The following PLPP2 variants were observed in gnomAD, a reference collection of about 807,000 sequenced individuals.
The protein encoded by PLPP2 is phospholipid phosphatase 2, also known as PAP2-gamma.
A neutral mutation model predicts 35.2 loss-of-function variants in PLPP2; 29 were observed. The observed-to-expected ratio is 0.82, with a 90% CI of 0.61 to 1.12. PLPP2 has a LOEUF of 1.12. Ranked by LOEUF, PLPP2 falls within the 50% of genes most tolerant of loss-of-function variation. The pLI is 0.00. For missense variants in PLPP2, 353 were observed against 375.2 expected (o/e 0.94, Z 0.49); for synonymous variants, 162 against 167.0 (o/e 0.97, Z 0.23).
rs1330202753 is a variant in PLPP2 at position 287,444 on chromosome 19, C to T, written c.482+30G>A. 2 of 1,587,356 alleles carry T rather than the reference C, an allele frequency of 1.3e-6. No homozygotes were observed. Among genetic ancestry groups the T allele is most frequent in the African/African-American group, 1.3e-5 (1 of 74,446 alleles). On this transcript the variant is annotated intron_variant, in intron 3 of 5. Transcript: ENST00000434325. This position sits in a 1 kb window ranked among gnomAD's most constrained non-coding sequence, Gnocchi z 4.3. ...GGCCTTCTTCAGCTCCCATTCCCCA[C>T]AAGAGTGAAGGCTGCTGGTCCACAC...
At chr19:289,902 C>CCT (rs143668722) in intron 1 of PLPP2, among the ~76,000 whole-genome samples, 15,323 of 151,988 alleles carry the variant, frequency 0.1, 918 homozygotes, top group Admixed American at 0.19. Flanking sequence ...GAGTGCAGCC[C>CCT]GACCACAGCT....
Position 281,328 on chromosome 19 carries a change from AC to A in PLPP2, c.*59del, listed in dbSNP as rs1419077269. The A allele has an allele frequency of 7.5e-7, 1 of 1,331,182 alleles. No homozygotes were observed. Among genetic ancestry groups the A allele is most frequent in the Admixed American group, 3.3e-5 (1 of 30,576 alleles). The allele number at this position is 1,331,182 out of a possible 1,614,324, so 82.5% of individuals were successfully genotyped here. On this transcript the variant is annotated 3_prime_UTR_variant, in exon 6 of 6. Coordinates refer to ENST00000434325, the MANE Select transcript of PLPP2 (RefSeq NM_003712.4). ...TCAGTGCCTAACCAGGGCTGGAGGG[AC>A]CACCTGGGTGGGCCTCAGCTGGACT...
chr19:285,540 AG>A, intron 3 of PLPP2: 1 of 150,952 alleles, frequency 6.6e-6, no homozygotes, highest in East Asian at 2.0e-4. Context: ...CAGAGGCTGT[AG>A]TGAGACAAGA....
chr19:281,389 C>T lies in PLPP2; in HGVS notation c.866G>A (p.Ter289=), dbSNP rs1274954402. 2.1e-6 allele frequency: 3 copies of T among 1,402,102 alleles called. No homozygotes were observed. The African/African-American group carries it at 4.4e-5, about 21-fold the overall frequency. The allele number at this position is 1,402,102 out of a possible 1,614,324, so 86.9% of individuals were successfully genotyped here. The change falls in exon 6 of 6, where the codon TGA becomes TAA. Residue 289 remains the stop codon, a stop_retained_variant. Coordinates refer to ENST00000434325, the MANE Select transcript of PLPP2 (RefSeq NM_003712.4). The part of the protein sequence containing the change: ...NHYGYPHSSS[*] Reference sequence around the variant, plus strand: ...TCCCTGCCTGGGCGGGGTCCGGCCTCAGGAGGAGGAGTGCGGGTATCCATA... The same window carrying T: ...TCCCTGCCTGGGCGGGGTCCGGCCTTAGGAGGAGGAGTGCGGGTATCCATA...
chr19:282,248 G>A lies in PLPP2; in HGVS notation c.603C>T (p.Phe201=), dbSNP rs1464139549. 3 of 1,613,892 alleles carry A rather than the reference G, an allele frequency of 1.9e-6. No individual in the cohort carries two copies. The highest frequency in any genetic ancestry group is 3.3e-5 in the Admixed American group (2 of 60,008). ...WARLLRPTVQ[F]FLVAFALYVG... is the part of the protein sequence containing the mutation. ...CGTAGAGGGCAAAGGCCACCAGGAA[G>A]AACTGGACTGTGGGTCGCAGCAGCC... Residue 201 remains phenylalanine (F), a synonymous_variant, in exon 5 of 6, where the codon TTC becomes TTT. Coordinates refer to ENST00000434325, the MANE Select transcript of PLPP2 (RefSeq NM_003712.4).
At chr19:290,062 C>A (rs1023715771) in intron 1 of PLPP2, among the ~76,000 whole-genome samples, 4 of 152,186 alleles carry the variant, frequency 2.6e-5, no homozygotes, top group African/African-American at 9.6e-5. Context: ...AAAACAGACA[C>A]CTTCTCTTCA....
In PLPP2 at chr19:291,092, C is replaced by A. The variant is rs1013880974; in HGVS notation, c.52+193G>T. The A allele has an allele frequency of 3.7e-6, 5 of 1,337,700 alleles. No individual in the cohort carries two copies. In the African/African-American group the frequency reaches 6.2e-5, roughly 16 times the overall value. The allele number at this position is 1,337,700 out of a possible 1,614,324, so 82.9% of individuals were successfully genotyped here. On this transcript the variant is annotated intron_variant, in intron 1 of 5. Transcript: ENST00000434325. ...CCCCCTGGGCCTGGGACGCGGGGAC[C>A]CCCGAGCCTGGGAGGGCGCGCGCAG...
chr19:289,374 A>G (rs1970336818), intron 1 of PLPP2, among the ~76,000 whole-genome samples: 2 of 152,204 alleles, frequency 1.3e-5, no homozygotes, highest in Non-Finnish European at 2.9e-5. Context: ...AGTCTGGGGA[A>G]ATAATCTGGT....
At chr19:289,572 G>T (rs935416592) in intron 1 of PLPP2, among the ~76,000 whole-genome samples, 3 of 152,066 alleles carry the variant, frequency 2.0e-5, no homozygotes, top group Non-Finnish European at 4.4e-5. Context: ...AAATTATCTG[G>T]GTGTGGCGGT....
intron 1 of PLPP2, 117 bp from the exon 2 acceptor site, chr19:288,288 G>A: frequency 9.0e-7 from 1 of 1,110,186 alleles, no homozygotes; most frequent in Admixed American, 2.9e-5. Context: ...AGACAGCAAG[G>A]AAGAGCTTTT....
At chr19:290,905 C>T (rs1374335636) in intron 1 of PLPP2, 12 of 1,214,294 alleles carry the variant, frequency 9.9e-6, no homozygotes, top group Non-Finnish European at 1.1e-5. Flanking sequence ...GACGTCCTGC[C>T]GGGGTAACCC....
intron 1 of PLPP2, among the ~76,000 whole-genome samples, chr19:289,725 G>A (rs575112217): frequency 5.3e-4 from 81 of 152,178 alleles, no homozygotes; most frequent in Middle Eastern, 3.4e-3. Context: ...AAAGGGCAGC[G>A]CCAGGGCCTG....
At chr19:290,951 C>T in intron 1 of PLPP2, 1 of 1,234,810 alleles carries the variant, frequency 8.1e-7, no homozygotes. Context: ...GCGTGACTCA[C>T]CTCCCAGGCC....
intron 3 of PLPP2, chr19:286,628 TAAA>T (rs1210065012): frequency 6.6e-6 from 1 of 151,608 alleles, no homozygotes; most frequent in Non-Finnish European, 1.5e-5. Flanking sequence ...CTTAATTCAA[TAAA>T]AAGATTAATA....
intron 3 of PLPP2, chr19:284,547 A>G (rs1056378800): frequency 1.3e-5 from 2 of 152,186 alleles, no homozygotes; most frequent in African/African-American, 4.8e-5. Flanking sequence ...TAGCTGTGAC[A>G]ACAGTTGTGT....
chr19:291,026 G>T lies in PLPP2; in HGVS notation c.52+259C>A, dbSNP rs755627217. 30 of 1,279,090 alleles carry T rather than the reference G, an allele frequency of 2.3e-5. No homozygotes were observed. The South Asian group carries it at 7.9e-4, about 34-fold the overall frequency. The allele number at this position is 1,279,090 out of a possible 1,614,324, so 79.2% of individuals were successfully genotyped here. A position where few individuals can be genotyped will look rare whatever the true frequency, so the allele number is the denominator to read the frequency against. On this transcript the variant is annotated intron_variant, in intron 1 of 5. Coordinates refer to ENST00000434325, the MANE Select transcript of PLPP2 (RefSeq NM_003712.4). ...ACAGACTTCCTGCTGCCGGGGCGGG[G>T]GATGCTGGCCCCGGCTCCCCGGGCC...
chr19:288,417 A>C (rs1600084652), intron 1 of PLPP2: 1 of 364,520 alleles, frequency 2.7e-6, no homozygotes, highest in Non-Finnish European at 4.9e-6. Context: ...CTCAGCAAAC[A>C]CCCACCTTTG....
chr19:282,123 TAGA>T lies in PLPP2; in HGVS notation c.717+8_717+10del, dbSNP rs1349107565. ...ACAACACAGGGGATAGAGTTAGGGT[TAGA>T]AGCTCACAGTGAGGGCAGCCACCAG... is the stretch of plus-strand genomic sequence containing the variant. On this transcript the variant is annotated splice_region_variant and intron_variant, in intron 5 of 5. Coordinates refer to ENST00000434325, the MANE Select transcript of PLPP2 (RefSeq NM_003712.4). The T allele has an allele frequency of 6.2e-7, 1 of 1,612,850 alleles. No homozygotes were observed. The highest frequency in any genetic ancestry group is 1.1e-5 in the South Asian group (1 of 91,034).
At position 287,359 on chromosome 19, in the gene PLPP2, G is replaced by T; in HGVS notation, c.482+115C>A. On this transcript the variant is annotated intron_variant, in intron 3 of 5. Transcript: ENST00000434325. The surrounding 1 kb of genome is among the most constrained non-coding windows in gnomAD (Gnocchi z 4.3). ...ACTAACTTATACAAAAATTAGCCGG[G>T]CGTGGTGGCGCACGCCTGTAGTCTC... The T allele has an allele frequency of 7.5e-7, 1 of 1,325,124 alleles. No individual in the cohort carries two copies. Among genetic ancestry groups the T allele is most frequent in the Non-Finnish European group, 1.0e-6 (1 of 972,128 alleles). The allele number at this position is 1,325,124 out of a possible 1,614,324, so 82.1% of individuals were successfully genotyped here. A position where few individuals can be genotyped will look rare whatever the true frequency, so the allele number is the denominator to read the frequency against.
Sources: allele counts gnomAD v4.1 joint callset (sites outside exome capture counted in the v4.1 genomes callset), GRCh38; gene constraint gnomAD v4.1.1; non-coding constraint Gnocchi (gnomAD v3.1); transcripts MANE v1.5; gene names NCBI Gene and HGNC (gene_info 2026-07-23, HGNC 2026-07-21).